STAP2: variants seen among roughly 807,000 people sequenced by gnomAD.
The protein encoded by STAP2 is signal-transducing adaptor protein 2.
Under a neutral mutation model 52.7 loss-of-function variants are expected in STAP2, and 58 were observed. The ratio of observed to expected loss-of-function variants is 1.10; its 90% CI spans 0.89 to 1.37. The LOEUF (loss-of-function observed/expected upper bound fraction) is 1.37. STAP2 is among the 40% of genes most tolerant of loss of function. The pLI is 0.00. For synonymous variants in STAP2, 231 were observed against 210.5 expected (o/e 1.10, Z -0.84); for missense variants, 522 against 519.4 (o/e 1.00, Z -0.05).
In STAP2 at chr19:4,326,963, C is replaced by T. The variant is rs1310449992; in HGVS notation, c.808G>A (p.Ala270Thr). The T allele has an allele frequency of 1.3e-6, 2 of 1,551,922 alleles. No homozygotes were observed. Among genetic ancestry groups the T allele is most frequent in the Non-Finnish European group, 1.7e-6 (2 of 1,147,038 alleles). ...DKENGENVWV[A>T]PSAPGPGPAP... is the part of the protein sequence containing the mutation. ...TCACCTGGGCCCGGAGCGGAGGGCG[C>T]CACCCACACATTCTCGCCATTCTCC... Residue 270 changes from alanine to threonine, a missense_variant, in exon 9 of 13, where the codon GCG (alanine) becomes ACG (threonine). Ala to Thr is a moderately conservative substitution (Grantham distance 58). Coordinates refer to ENST00000594605, the MANE Select transcript of STAP2 (RefSeq NM_001013841.2).
Position 4,329,972 on chromosome 19 carries a change from C to T in STAP2, c.444G>A (p.Leu148=), listed in dbSNP as rs991731450. The T allele has an allele frequency of 7.4e-6, 12 of 1,613,368 alleles. No individual in the cohort carries two copies. The highest frequency in any genetic ancestry group is 1.0e-5 in the Non-Finnish European group (12 of 1,179,902). ...GGCGGGACACTCACGAGGGTGTCTCCAGTGCACGGCGCGCCTCCTCTTTGG... is the reference window on the plus strand; with the variant it reads ...GGCGGGACACTCACGAGGGTGTCTCTAGTGCACGGCGCGCCTCCTCTTTGG... ...VLAKEEARRA[L]ETPSCFLKVS... is the part of the protein sequence containing the mutation. Residue 148 remains leucine, a synonymous_variant, in exon 5 of 13, where the codon CTG becomes CTA. Transcript: ENST00000594605.
In STAP2 at chr19:4,330,023, G is replaced by A; in HGVS notation, c.393C>T (p.His131=). The change falls in exon 5 of 13, where the codon CAC becomes CAT. Residue 131 remains histidine, a synonymous_variant. Coordinates refer to ENST00000594605, the MANE Select transcript of STAP2 (RefSeq NM_001013841.2). Reference sequence around the variant, plus strand: ...CCAAGACTTCAGACATCATGTATAGGTGCCCAGGAAGCAGGGTCAAGTCGG... The same window carrying A: ...CCAAGACTTCAGACATCATGTATAGATGCCCAGGAAGCAGGGTCAAGTCGG... ...VPTDLTLLPG[H]LYMMSEVLAK... 1 of 1,613,750 alleles carries A rather than the reference G, an allele frequency of 6.2e-7. No individual in the cohort carries two copies. The highest frequency in any genetic ancestry group is 1.1e-5 in the South Asian group (1 of 91,088).
chr19:4,329,731 G>A (rs1268912611), intron 5 of STAP2, among the ~76,000 whole-genome samples: 1 of 151,824 alleles, frequency 6.6e-6, no homozygotes, highest in Non-Finnish European at 1.5e-5. Context: ...CCCCGCCACT[G>A]AAGACCTTAC....
chr19:4,328,544 C>G, intron 6 of STAP2, 131 bp downstream of exon 6: 1 of 1,307,452 alleles, frequency 7.6e-7, no homozygotes, highest in South Asian at 1.4e-5. Flanking sequence ...AGACGCCCGT[C>G]TCGGCTCTGG....
chr19:4,331,341 TAAG>T (rs1599552371), intron 4 of STAP2, among the ~76,000 whole-genome samples: 1 of 143,130 alleles, frequency 7.0e-6, no homozygotes, highest in East Asian at 2.1e-4. Flanking sequence ...AAAAATAAAA[TAAG>T]AAATACGGTT....
chr19:4,331,590 A>C (rs1390261694), intron 4 of STAP2, among the ~76,000 whole-genome samples: 1 of 151,582 alleles, frequency 6.6e-6, no homozygotes, highest in African/African-American at 2.4e-5. Context: ...AGAACGTGCC[A>C]TTGCACTCCA....
rs181348964 is a variant in STAP2, at chr19:4,330,296, G to A, written c.355-235C>T. Among the ~76,000 whole-genome samples the A allele has an allele frequency of 2.6e-3, 388 of 152,114 alleles. 1 individual carries two copies. Among genetic ancestry groups the A allele is most frequent in the Non-Finnish European group, 4.1e-3 (276 of 67,992 alleles). On this transcript the variant is annotated intron_variant, in intron 4 of 12. Coordinates refer to ENST00000594605, the MANE Select transcript of STAP2 (RefSeq NM_001013841.2). ...AGCACTTTGGGAGGCCGAGGCGGGC[G>A]GATCACCTAAGGTCAGGAGTTCGAG... is the stretch of plus-strand genomic sequence containing the variant.
chr19:4,327,140 G>A lies in STAP2; in HGVS notation c.747C>T (p.Asp249=). ...GGCACCCACCTAGCACCTTCTCGTA[G>A]TCCTCGTCTAACAGGAATGGCACCA... ...KALVPFLLDE[D]YEKVLGYVEA... Residue 249 remains aspartate (D), a synonymous_variant, in exon 8 of 13, where the codon GAC becomes GAT. Transcript: ENST00000594605. 6.2e-7 allele frequency: 1 copy of A among 1,614,204 alleles called. No individual in the cohort carries two copies. Among genetic ancestry groups the A allele is most frequent in the Non-Finnish European group, 8.5e-7 (1 of 1,180,022 alleles).
intron 5 of STAP2, 77 bp from the exon 6 acceptor site, chr19:4,328,886 G>GAGACCC: frequency 6.5e-7 from 1 of 1,542,232 alleles, no homozygotes; most frequent in Non-Finnish European, 8.7e-7. Flanking sequence ...TGCCTCCTCT[G>GAGACCC]AGACCCAGCC....
At position 4,333,959 on chromosome 19, in the gene STAP2, A is replaced by C; in HGVS notation, c.174+14T>G. 1 of 1,612,978 alleles carries C rather than the reference A, an allele frequency of 6.2e-7. No homozygotes were observed. Among genetic ancestry groups the C allele is most frequent in the South Asian group, 1.1e-5 (1 of 90,932 alleles). ...AGGGAAGGCCTGCTCTGGAGCCTCC[A>C]TTCCCATCCTTACCTGGAAGTCCCG... is the stretch of plus-strand genomic sequence containing the variant. On this transcript the variant is annotated intron_variant, in intron 2 of 12. Transcript: ENST00000594605.
In STAP2 at chr19:4,334,017, G is replaced by A. The variant is rs937161187; in HGVS notation, c.130C>T (p.Gln44Ter). 6.2e-7 allele frequency: 1 copy of A among 1,613,074 alleles called. No individual in the cohort carries two copies. The highest frequency in any genetic ancestry group is 8.5e-7 in the Non-Finnish European group (1 of 1,179,586). The change falls in exon 2 of 13, where the codon CAG becomes TAG. Residue 44 changes from glutamine to a stop codon, truncating the protein, a stop_gained. Transcript: ENST00000594605. LOFTEE classifies it high-confidence loss of function. ...RDYKKFWAGL[Q>*]GLTIYFYNSN... ...TTGTAGAAATAAATGGTGAGACCCT[G>A]CAGGCCTGCCCAGAACTTCTTGTAA...
chr19:4,337,790 G>T (rs981706775), intron 1 of STAP2, among the ~76,000 whole-genome samples: 41 of 152,186 alleles, frequency 2.7e-4, no homozygotes, highest in African/African-American at 9.1e-4. Context: ...GGTGGAGGTT[G>T]CAGTGAGCCG....
At position 4,324,187 on chromosome 19, in the gene STAP2, G is replaced by C. The variant is rs2144775977; in HGVS notation, c.1158C>G (p.Asp386Glu). ...QPLFPTAGLA[D>E]MTAELQKKLE... ...GCTTCTTCTGTAGCTCTGCCGTCATGTCTGCCAGCCCTGGGGGTTCAGGAC... is the reference window on the plus strand; with the variant it reads ...GCTTCTTCTGTAGCTCTGCCGTCATCTCTGCCAGCCCTGGGGGTTCAGGAC... Residue 386 changes from aspartate (D) to glutamate (E), a missense_variant, in exon 13 of 13, where the codon GAC (aspartate) becomes GAG (glutamate). Physicochemically the swap from Asp to Glu is conservative, Grantham distance 45. Coordinates refer to ENST00000594605, the MANE Select transcript of STAP2 (RefSeq NM_001013841.2). 1 of 1,551,252 alleles carries C rather than the reference G, an allele frequency of 6.4e-7. No homozygotes were observed. Among genetic ancestry groups the C allele is most frequent in the East Asian group, 2.4e-5 (1 of 40,924 alleles).
At chr19:4,338,568 G>GGGCGGGGGGGGGCC in intron 1 of STAP2, 84 bp downstream of exon 1, 1 of 896,778 alleles carries the variant, frequency 1.1e-6, no homozygotes, top group Non-Finnish European at 1.6e-6. Context: ...CCCCCCCTTG[G>GGGCGGGGGGGGGCC]CGAGTGGGGA....
In STAP2 at chr19:4,330,381, G is replaced by A. The variant is rs548065464; in HGVS notation, c.355-320C>T. Among the ~76,000 whole-genome samples the A allele has an allele frequency of 1.4e-4, 21 of 151,986 alleles. No individual in the cohort carries two copies. The East Asian group carries it at 4.1e-3, about 30-fold the overall frequency. ...ACTAAAAATACAAAAAATTAGCCGG[G>A]CGTGGTGGCAGACACCTGTAATCCC... On this transcript the variant is annotated intron_variant, in intron 4 of 12. Coordinates refer to ENST00000594605, the MANE Select transcript of STAP2 (RefSeq NM_001013841.2).
intron 9 of STAP2, 117 bp from the exon 10 acceptor site, chr19:4,325,662 G>GC: frequency 8.0e-7 from 1 of 1,250,730 alleles, no homozygotes; most frequent in Non-Finnish European, 1.1e-6. Flanking sequence ...GTGTCTGTGT[G>GC]TGTGCCCATG....
In STAP2 at chr19:4,333,769, CTCA is replaced by C. The variant is rs781122103; in HGVS notation, c.219_221del (p.Asp73del). ...GGTCACGTGAGCTTCCCCAGGGAAT[CTCA>C]TCTGTGAGTTTCTCAAATGCTCCCA... On this transcript the variant is annotated inframe_deletion, in exon 3 of 13. Coordinates refer to ENST00000594605, the MANE Select transcript of STAP2 (RefSeq NM_001013841.2). 7 of 1,613,692 alleles carry C rather than the reference CTCA, an allele frequency of 4.3e-6. No homozygotes were observed. Among genetic ancestry groups the C allele is most frequent in the Non-Finnish European group, 5.9e-6 (7 of 1,179,994 alleles).
rs761863267 is a variant in STAP2, at chr19:4,324,126, G to C, written c.*7C>G. On this transcript the variant is annotated 3_prime_UTR_variant, in exon 13 of 13. Coordinates refer to ENST00000594605, the MANE Select transcript of STAP2 (RefSeq NM_001013841.2). ...GGACTAGCCCGCTGGTCCCTGGTGT[G>C]TCCGAATCAGTGCTCCAGTGCCCGC... The C allele has an allele frequency of 1.2e-5, 18 of 1,551,382 alleles. No homozygotes were observed. The South Asian group carries it at 2.1e-4, about 18-fold the overall frequency.
At position 4,325,264 on chromosome 19, in the gene STAP2, G is replaced by A. The variant is rs1312780052; in HGVS notation, c.1024C>T (p.Pro342Ser). The change falls in exon 11 of 13, where the codon CCA (proline) becomes TCA (serine). Residue 342 changes from proline (P) to serine (S), a missense_variant. By Grantham distance (74) the Pro-to-Ser change is moderately conservative. Coordinates refer to ENST00000594605, the MANE Select transcript of STAP2 (RefSeq NM_001013841.2). ...WPVILKPKKL[P>S]KPPAKLPKPP... ...TTTGGAAGCTTGGCAGGAGGCTTTG[G>A]CAACTTCTTTGGCTTCAGGATGACT... 4.3e-6 allele frequency: 7 copies of A among 1,612,140 alleles called. No homozygotes were observed. The South Asian group carries it at 4.4e-5, about 10-fold the overall frequency.
Sources: gnomAD v4.1 joint callset for allele counts (sites outside exome capture counted in the v4.1 genomes callset) on GRCh38, gnomAD v4.1.1 for gene constraint, MANE v1.5 for transcripts, NCBI Gene and HGNC (gene_info 2026-07-23, HGNC 2026-07-21) for gene names.